Variants in UBR3 observed in about 807,000 individuals in gnomAD.
The protein encoded by UBR3 is ubiquitin protein ligase E3 component n-recognin 3, also known as E3 ubiquitin-protein ligase UBR3.
A neutral mutation model predicts 243.2 loss-of-function variants in UBR3; 85 were observed. The observed-to-expected ratio is 0.35, with a 90% CI of 0.29 to 0.42. UBR3 has a LOEUF of 0.42. Among genes scored for constraint, UBR3 ranks in the 10% least tolerant of loss-of-function variants. The pLI is 1.00. For missense variants in UBR3, 1,686 were observed against 2,300.8 expected (o/e 0.73, Z 5.47); for synonymous variants, 748 against 799.8 (o/e 0.94, Z 1.09).
intron 1 of UBR3, among the ~76,000 whole-genome samples, chr2:169,854,389 C>T (rs1367355399): frequency 6.6e-6 from 1 of 152,070 alleles, no homozygotes; most frequent in Non-Finnish European, 1.5e-5. Flanking sequence ...ATTTCCCATC[C>T]TGTAATTAGG....
At chr2:169,850,737 G>A (rs1453754440) in intron 1 of UBR3, among the ~76,000 whole-genome samples, 5 of 151,946 alleles carry the variant, frequency 3.3e-5, no homozygotes, top group Admixed American at 2.0e-4. Context: ...CCAGCTACTC[G>A]GGAGGCTGAG....
intron 8 of UBR3, among the ~76,000 whole-genome samples, chr2:169,902,397 A>C (rs1479570794): frequency 6.6e-6 from 1 of 151,838 alleles, no homozygotes; most frequent in Non-Finnish European, 1.5e-5. Flanking sequence ...CTTCATGTGA[A>C]CTCTAAAGTC....
chr2:170,009,211 C>T (rs1271984339), intron 29 of UBR3, among the ~76,000 whole-genome samples: 1 of 151,928 alleles, frequency 6.6e-6, no homozygotes, highest in Non-Finnish European at 1.5e-5. Flanking sequence ...CAGATATGTA[C>T]CTCGAACATG....
At chr2:169,988,862 A>G (rs1018337319) in intron 25 of UBR3, among the ~76,000 whole-genome samples, 1 of 152,210 alleles carries the variant, frequency 6.6e-6, no homozygotes, top group African/African-American at 2.4e-5. Flanking sequence ...TAATTTTAGT[A>G]TAATAGGTGA....
intron 1 of UBR3, among the ~76,000 whole-genome samples, chr2:169,834,764 A>G (rs561311061): frequency 6.6e-6 from 1 of 152,380 alleles, no homozygotes; most frequent in East Asian, 1.9e-4. Flanking sequence ...CATAACTCAA[A>G]TGTCCATCAG....
intron 26 of UBR3, among the ~76,000 whole-genome samples, chr2:169,999,676 C>T (rs190972956): frequency 6.8e-4 from 104 of 152,186 alleles, no homozygotes; most frequent in Non-Finnish European, 1.3e-3. Flanking sequence ...GGCCCAAATG[C>T]TATTTGACAG....
intron 24 of UBR3, among the ~76,000 whole-genome samples, chr2:169,978,536 T>G (rs1221649062): frequency 2.6e-5 from 4 of 151,964 alleles, no homozygotes; most frequent in African/African-American, 9.7e-5. Flanking sequence ...GTATAGCCAC[T>G]ATTTGGGAGT....
At chr2:169,909,877 A>G (rs1406371398) in intron 10 of UBR3, among the ~76,000 whole-genome samples, 2 of 152,156 alleles carry the variant, frequency 1.3e-5, no homozygotes, top group African/African-American at 4.8e-5. Context: ...TGATATGTAT[A>G]TATTCAAAGT....
At chr2:169,991,872 G>A (rs1468902042) in intron 25 of UBR3, among the ~76,000 whole-genome samples, 3 of 152,190 alleles carry the variant, frequency 2.0e-5, no homozygotes, top group South Asian at 2.1e-4. Flanking sequence ...GTGAGCCACC[G>A]TGCCTGGCCT....
chr2:169,910,262 C>T (rs1029637845), intron 10 of UBR3, among the ~76,000 whole-genome samples: 1 of 152,050 alleles, frequency 6.6e-6, no homozygotes, highest in East Asian at 1.9e-4. Context: ...GAAGAAAGAA[C>T]TGACATTTAG....
At chr2:169,906,485 T>C (rs1171880751) in intron 10 of UBR3, among the ~76,000 whole-genome samples, 1 of 152,068 alleles carries the variant, frequency 6.6e-6, no homozygotes, top group Non-Finnish European at 1.5e-5. Context: ...TATTACACTT[T>C]CAAGATTCCA....
intron 1 of UBR3, among the ~76,000 whole-genome samples, chr2:169,863,192 C>T (rs2105303730): frequency 6.6e-6 from 1 of 152,276 alleles, no homozygotes; most frequent in East Asian, 1.9e-4. Flanking sequence ...CTACTTCTCC[C>T]ACAGTCCAGG....
At chr2:169,833,277 A>C (rs528092404) in intron 1 of UBR3, among the ~76,000 whole-genome samples, 5 of 152,334 alleles carry the variant, frequency 3.3e-5, no homozygotes, top group African/African-American at 1.2e-4. Flanking sequence ...TACTAACTGG[A>C]AACTGGGATT....
chr2:169,850,633 A>G (rs1036652831), intron 1 of UBR3, among the ~76,000 whole-genome samples: 11 of 152,308 alleles, frequency 7.2e-5, no homozygotes, highest in Admixed American at 5.2e-4. Context: ...TCACGAGGTC[A>G]GGAGATTGAG....
intron 28 of UBR3, among the ~76,000 whole-genome samples, chr2:170,008,114 A>T (rs60605859): frequency 0.052 from 7,936 of 152,140 alleles, 403 homozygotes; most frequent in African/African-American, 0.13. Flanking sequence ...GTAGGGGGGA[A>T]CTCATCTTTT....
chr2:169,897,522 A>C (rs2084638806), intron 8 of UBR3, among the ~76,000 whole-genome samples: 1 of 152,064 alleles, frequency 6.6e-6, no homozygotes, highest in African/African-American at 2.4e-5. Context: ...TTTTTGAGAC[A>C]GAGTCTTGCT....
intron 32 of UBR3, among the ~76,000 whole-genome samples, chr2:170,044,071 T>G (rs954064999): frequency 2.6e-5 from 4 of 152,152 alleles, no homozygotes; most frequent in African/African-American, 9.7e-5. Flanking sequence ...AGGTTTTTTT[T>G]GAGGGGAGGT....
At chr2:169,845,534 T>G (rs202044758) in intron 1 of UBR3, among the ~76,000 whole-genome samples, 1,580 of 122,554 alleles carry the variant, frequency 0.013, 12 homozygotes, top group East Asian at 0.047. Flanking sequence ...CGTCGTCGTC[T>G]TCTTCTTCTT....
chr2:170,009,429 A>G (rs2090019256), intron 29 of UBR3, among the ~76,000 whole-genome samples: 1 of 152,158 alleles, frequency 6.6e-6, no homozygotes, highest in Non-Finnish European at 1.5e-5. Context: ...GGGATCAGGC[A>G]TGTTCTAAAC....
Sources: allele counts gnomAD v4.1 joint callset (sites outside exome capture counted in the v4.1 genomes callset), GRCh38; gene constraint gnomAD v4.1.1; transcripts MANE v1.5; gene names NCBI Gene and HGNC (gene_info 2026-07-23, HGNC 2026-07-21).